The following KDM2A variants were observed in gnomAD, a reference collection of about 807,000 sequenced individuals.
KDM2A encodes lysine-specific demethylase 2A.
Under a neutral mutation model 137.3 loss-of-function variants are expected in KDM2A, and 3 were observed. That is an observed-to-expected ratio of 0.02 (90% CI 0.01 to 0.06). The LOEUF (loss-of-function observed/expected upper bound fraction) is 0.06, where lower values mean the gene tolerates loss of function less well. Ranked by LOEUF, KDM2A falls within the 10% of genes least tolerant of loss-of-function variation. The pLI is 1.00. For missense variants in KDM2A, 738 were observed against 1,510.6 expected (o/e 0.49, Z 8.48); for synonymous variants, 512 against 541.5 (o/e 0.95, Z 0.76).
At position 67,250,992 on chromosome 11, in the gene KDM2A, G is replaced by A. The variant is rs367903384; in HGVS notation, c.2768+194G>A. 6.6e-6 allele frequency among the ~76,000 whole-genome samples: 1 copy of A among 152,174 alleles called. No individual in the cohort carries two copies. The highest frequency in any genetic ancestry group is 1.9e-4 in the East Asian group (1 of 5,198). ...TACCCGCAGATGTCATTAGGGAACT[G>A]GCCATTTGCCTCCTGGCCCTGCTCT... On this transcript the variant is annotated intron_variant, in intron 17 of 20. Transcript: ENST00000529006. The surrounding 1 kb of genome is among the most constrained non-coding windows in gnomAD (Gnocchi z 7.1).
chr11:67,173,402 G>T (rs1023532379), intron 2 of KDM2A, among the ~76,000 whole-genome samples: 1 of 152,102 alleles, frequency 6.6e-6, no homozygotes, highest in African/African-American at 2.4e-5. Flanking sequence ...GATTACATGC[G>T]TGAGCCACCG....
intron 8 of KDM2A, among the ~76,000 whole-genome samples, chr11:67,216,834 C>T (rs113067939): frequency 7.3e-4 from 111 of 152,198 alleles, no homozygotes; most frequent in Middle Eastern, 6.8e-3. Flanking sequence ...GCAGGAGAAT[C>T]GCTTGAACCC....
intron 12 of KDM2A, among the ~76,000 whole-genome samples, chr11:67,238,362 C>G (rs1329227765): frequency 6.6e-6 from 1 of 152,174 alleles, no homozygotes; most frequent in East Asian, 1.9e-4. Context: ...AGTATTCATA[C>G]TTTACTATCT....
At chr11:67,229,035 C>G (rs901822951) in intron 11 of KDM2A, among the ~76,000 whole-genome samples, 1 of 152,012 alleles carries the variant, frequency 6.6e-6, no homozygotes, top group Non-Finnish European at 1.5e-5. Flanking sequence ...TTGTCTAATG[C>G]GTTTTATTGT....
At chr11:67,122,295 C>T (rs189853088) in intron 2 of KDM2A, among the ~76,000 whole-genome samples, 25 of 152,202 alleles carry the variant, frequency 1.6e-4, no homozygotes, top group Non-Finnish European at 3.1e-4. Flanking sequence ...TTCTAGTGAT[C>T]CTTACTCTTT....
intron 2 of KDM2A, among the ~76,000 whole-genome samples, chr11:67,146,015 CAG>C (rs1358125914): frequency 4.2e-5 from 6 of 143,802 alleles, no homozygotes; most frequent in South Asian, 4.4e-4. Flanking sequence ...TTTTTTGAGA[CAG>C]AGTCTATCTC....
chr11:67,255,879 T>C lies in KDM2A; in HGVS notation c.*824T>C. On this transcript the variant is annotated 3_prime_UTR_variant, in exon 21 of 21. Transcript: ENST00000529006. ...TCCCCCTCTCTCTTTTGCCTCCCAC[T>C]GACTGCCCTTTTCCATGTGTCTTCA... The C allele has an allele frequency of 3.8e-6, 1 of 260,278 alleles. No homozygotes were observed. Among genetic ancestry groups the C allele is most frequent in the Non-Finnish European group, 7.7e-6 (1 of 129,350 alleles). 16.1% of individuals were successfully genotyped at this position (260,278 alleles called of 1,614,324 possible).
At position 67,250,459 on chromosome 11, in the gene KDM2A, T is replaced by C; in HGVS notation, c.2429T>C (p.Leu810Pro). ...TVTLQRPTKELHGTSIVPKLQ... is the reference protein window; with the variant it reads ...TVTLQRPTKEPHGTSIVPKLQ... ...ACGCTACAGAGGCCCACCAAAGAGC[T>C]CCACGGGACATCCATTGTGCCCAAG... is the stretch of plus-strand genomic sequence containing the variant. The change falls in exon 17 of 21, where the codon CTC (leucine) becomes CCC (proline). Residue 810 changes from leucine (L) to proline (P), a missense_variant. Transcript: ENST00000529006. The surrounding 1 kb of genome is among the most constrained non-coding windows in gnomAD (Gnocchi z 7.1). 6.2e-7 allele frequency: 1 copy of C among 1,613,990 alleles called. No individual in the cohort carries two copies. Among genetic ancestry groups the C allele is most frequent in the Non-Finnish European group, 8.5e-7 (1 of 1,179,902 alleles).
rs1055893681 is a variant in KDM2A at position 67,258,052 on chromosome 11, T to A, written c.*2997T>A. On this transcript the variant is annotated 3_prime_UTR_variant, in exon 21 of 21. Transcript: ENST00000529006. ...TTTTGTTTGGGGGTTTTTGTTTTTT[T>A]AAAAAAATAAAAAGGCTTTAAAAAC... The A allele has an allele frequency of 5.3e-4, 81 of 152,274 alleles. No homozygotes were observed. The highest frequency in any genetic ancestry group is 1.6e-3 in the Admixed American group (24 of 15,296). 9.4% of individuals were successfully genotyped at this position (152,274 alleles called of 1,614,324 possible).
chr11:67,126,419 G>A (rs1410824943), intron 2 of KDM2A, among the ~76,000 whole-genome samples: 1 of 150,934 alleles, frequency 6.6e-6, no homozygotes, highest in Non-Finnish European at 1.5e-5. Context: ...CACACAGATT[G>A]TTTTTTGGCC....
intron 2 of KDM2A, among the ~76,000 whole-genome samples, chr11:67,133,850 C>G (rs1344108595): frequency 1.3e-5 from 2 of 152,038 alleles, no homozygotes; most frequent in South Asian, 4.1e-4. Context: ...TGCGCCACCA[C>G]ACCCAGGTAA....
intron 5 of KDM2A, among the ~76,000 whole-genome samples, chr11:67,187,842 G>A (rs907983898): frequency 1.3e-5 from 2 of 152,052 alleles, no homozygotes; most frequent in South Asian, 4.1e-4. Context: ...CCAAGGTGCT[G>A]GGGATTATAG....
At chr11:67,142,026 ATTTC>A (rs770072641) in intron 2 of KDM2A, among the ~76,000 whole-genome samples, 10 of 151,836 alleles carry the variant, frequency 6.6e-5, no homozygotes, top group Non-Finnish European at 1.2e-4. Flanking sequence ...GATGAATGGT[ATTTC>A]TTTCATTCAT....
At chr11:67,240,445 G>A in intron 12 of KDM2A, 1 of 1,324,276 alleles carries the variant, frequency 7.6e-7, no homozygotes, top group Non-Finnish European at 1.0e-6. Context: ...CAGTGAAGAG[G>A]CAGGAGAAAC....
At chr11:67,154,961 A>G (rs919911258) in intron 2 of KDM2A, among the ~76,000 whole-genome samples, 3 of 152,200 alleles carry the variant, frequency 2.0e-5, no homozygotes, top group East Asian at 1.9e-4. Flanking sequence ...GCTACTGTGA[A>G]TAGTGCTGCT....
At chr11:67,227,655 C>T (rs1426136348) in intron 10 of KDM2A, among the ~76,000 whole-genome samples, 3 of 151,948 alleles carry the variant, frequency 2.0e-5, no homozygotes, top group South Asian at 2.1e-4. Context: ...CTGCAACCTC[C>T]GCCTCCCAGG....
chr11:67,200,721 G>GTGCAACCCAGGCTA (rs1342793042), intron 5 of KDM2A, among the ~76,000 whole-genome samples: 1 of 150,666 alleles, frequency 6.6e-6, no homozygotes, highest in Admixed American at 6.6e-5. Flanking sequence ...TACCCAGGCT[G>GTGCAACCCAGGCTA]GTTTAGAACT....
intron 5 of KDM2A, among the ~76,000 whole-genome samples, chr11:67,200,975 C>T (rs573625222): frequency 6.6e-6 from 1 of 151,764 alleles, no homozygotes; most frequent in Non-Finnish European, 1.5e-5. Context: ...GGGTGGATCA[C>T]GAGGTCAGGA....
intron 8 of KDM2A, among the ~76,000 whole-genome samples, chr11:67,216,812 C>T (rs752195376): frequency 2.0e-5 from 3 of 152,052 alleles, no homozygotes; most frequent in Non-Finnish European, 4.4e-5. Flanking sequence ...CCCAGCTACT[C>T]GGGAGGCTGA....
Sources: gnomAD v4.1 joint callset for allele counts (sites outside exome capture counted in the v4.1 genomes callset) on GRCh38, gnomAD v4.1.1 for gene constraint, Gnocchi (gnomAD v3.1) non-coding constraint, MANE v1.5 for transcripts, NCBI Gene and HGNC (gene_info 2026-07-23, HGNC 2026-07-21) for gene names.